The following NCAM2 variants were observed in gnomAD, a reference collection of about 807,000 sequenced individuals.
NCAM2 encodes N-CAM-2.
In NCAM2, 30 loss-of-function variants were observed where a neutral mutation model predicts 98.1. The ratio of observed to expected loss-of-function variants is 0.31; its 90% confidence interval spans 0.23 to 0.41. The LOEUF is 0.41. Among genes scored for constraint, NCAM2 ranks in the 10% least tolerant of loss-of-function variants. The probability of loss-of-function intolerance (pLI) is 1.00; values close to 1 mark genes in which losing one functional copy is unlikely to be tolerated. For missense variants in NCAM2, 867 were observed against 1,005.8 expected, an observed-to-expected ratio of 0.86 and a Z score of 1.87; for synonymous variants, 368 against 342.4, an observed-to-expected ratio of 1.07 and a Z score of -0.83.
chr21:21,476,086 C>T (rs182043310), intron 14 of NCAM2, among the ~76,000 whole-genome samples: 1 of 152,114 alleles, frequency 6.6e-6, no homozygotes, highest in East Asian at 1.9e-4. Context: ...GAGAATACAT[C>T]GTTATTCTTT....
At chr21:21,446,135 T>C (rs1434365814) in intron 12 of NCAM2, among the ~76,000 whole-genome samples, 1 of 152,184 alleles carries the variant, frequency 6.6e-6, no homozygotes, top group Non-Finnish European at 1.5e-5. Flanking sequence ...AAAATGCTTT[T>C]CTTTAAGAAT....
chr21:21,317,263 A>G (rs1212316357), intron 5 of NCAM2, among the ~76,000 whole-genome samples: 1 of 152,144 alleles, frequency 6.6e-6, no homozygotes, highest in South Asian at 2.1e-4. Flanking sequence ...GCTATCAGGA[A>G]CTTCCAATGT....
At chr21:21,137,853 C>G (rs535702129) in intron 1 of NCAM2, among the ~76,000 whole-genome samples, 51 of 119,896 alleles carry the variant, frequency 4.3e-4, no homozygotes, top group African/African-American at 1.6e-3. Context: ...TTTTTTTTTT[C>G]TGTGTTGTGA....
chr21:21,387,518 CA>C (rs544931484), intron 9 of NCAM2, among the ~76,000 whole-genome samples: 3 of 147,972 alleles, frequency 2.0e-5, no homozygotes, highest in Non-Finnish European at 4.5e-5. Context: ...ATATTCAAGA[CA>C]AAAAAAAAAC....
intron 1 of NCAM2, among the ~76,000 whole-genome samples, chr21:21,158,183 T>C (rs939162607): frequency 1.3e-5 from 2 of 152,204 alleles, no homozygotes; most frequent in African/African-American, 4.8e-5. Context: ...GAATATAGTG[T>C]GTACTGAATG....
At chr21:21,064,162 G>A (rs1271717755) in intron 1 of NCAM2, among the ~76,000 whole-genome samples, 1 of 152,170 alleles carries the variant, frequency 6.6e-6, no homozygotes, top group Non-Finnish European at 1.5e-5. Context: ...ATTGAATGTG[G>A]AGGCTTTGAG....
chr21:21,159,743 G>A (rs2067724278), intron 1 of NCAM2, among the ~76,000 whole-genome samples: 1 of 151,848 alleles, frequency 6.6e-6, no homozygotes, highest in Admixed American at 6.6e-5. Flanking sequence ...AGCAACACAT[G>A]ATACTCTCTC....
chr21:21,094,155 A>G (rs930303163), intron 1 of NCAM2, among the ~76,000 whole-genome samples: 15 of 151,978 alleles, frequency 9.9e-5, no homozygotes, highest in Non-Finnish European at 1.8e-4. Context: ...GTTGAATACC[A>G]GGCTGTACAT....
At chr21:21,020,277 C>A (rs1479606408) in intron 1 of NCAM2, among the ~76,000 whole-genome samples, 1 of 152,140 alleles carries the variant, frequency 6.6e-6, no homozygotes, top group Non-Finnish European at 1.5e-5. Flanking sequence ...CTCAGGTAAT[C>A]CGCCCGCCTC....
intron 5 of NCAM2, among the ~76,000 whole-genome samples, chr21:21,295,108 A>G (rs528952518): frequency 6.6e-6 from 1 of 151,764 alleles, no homozygotes; most frequent in South Asian, 2.1e-4. Context: ...CCGAAGTCCT[A>G]CCCAAATGCC....
chr21:21,246,403 A>G (rs1052468989), intron 1 of NCAM2, among the ~76,000 whole-genome samples: 36 of 152,194 alleles, frequency 2.4e-4, no homozygotes, highest in African/African-American at 8.7e-4. Flanking sequence ...AATAGATAAT[A>G]TAGTGGATGA....
chr21:21,307,913 A>G (rs1197194123), intron 5 of NCAM2, among the ~76,000 whole-genome samples: 2 of 152,092 alleles, frequency 1.3e-5, no homozygotes, highest in Non-Finnish European at 2.9e-5. Flanking sequence ...ATTCATGATA[A>G]TTTCCTCACT....
At chr21:21,126,475 C>T (rs1056203692) in intron 1 of NCAM2, among the ~76,000 whole-genome samples, 2 of 151,764 alleles carry the variant, frequency 1.3e-5, no homozygotes, top group African/African-American at 4.8e-5. Context: ...GTTTATATTC[C>T]TGTCACTGTA....
rs185152520 is a variant in NCAM2 at position 21,402,548 on chromosome 21, C to T, written c.1196-7726C>T. Among the ~76,000 whole-genome samples, 5 of 152,236 alleles carry T rather than the reference C, an allele frequency of 3.3e-5. No homozygotes were observed. In the East Asian group the frequency reaches 9.7e-4, roughly 29 times the overall value. On this transcript the variant is annotated intron_variant, in intron 9 of 17. Transcript: ENST00000400546. The stretch of plus-strand genomic sequence containing the variant: ...CCCTTATCAGGAGTTTCTGATTTTG[C>T]CCTGGTCCTGTTTCCTCAAAAGCAT...
At chr21:21,188,557 A>T (rs1025029332) in intron 1 of NCAM2, among the ~76,000 whole-genome samples, 1 of 152,296 alleles carries the variant, frequency 6.6e-6, no homozygotes, top group East Asian at 1.9e-4. Flanking sequence ...ATAATGCAGG[A>T]TATAATTCTA....
chr21:21,266,709 C>G (rs897040447), intron 1 of NCAM2, among the ~76,000 whole-genome samples: 1 of 148,552 alleles, frequency 6.7e-6, no homozygotes, highest in African/African-American at 2.5e-5. Flanking sequence ...CATCACACAC[C>G]GGGGCCTGTT....
chr21:21,355,520 A>G (rs1014527237), intron 8 of NCAM2, among the ~76,000 whole-genome samples: 5 of 83,088 alleles, frequency 6.0e-5, no homozygotes, highest in East Asian at 1.1e-3. Context: ...GGAGGGAGAG[A>G]GGGAGGAGGG....
At chr21:21,079,683 C>G (rs1601304419) in intron 1 of NCAM2, among the ~76,000 whole-genome samples, 1 of 152,072 alleles carries the variant, frequency 6.6e-6, no homozygotes, top group South Asian at 2.1e-4. Flanking sequence ...TGCCCCCTAC[C>G]CAGATACTCT....
chr21:21,151,534 T>C (rs141293829), intron 1 of NCAM2, among the ~76,000 whole-genome samples: 1 of 152,166 alleles, frequency 6.6e-6, no homozygotes, highest in Non-Finnish European at 1.5e-5. Context: ...CTACCTATAA[T>C]TGTTGATTGA....
Sources: allele counts gnomAD v4.1 joint callset (sites outside exome capture counted in the v4.1 genomes callset), GRCh38; gene constraint gnomAD v4.1.1; transcripts MANE v1.5; gene names NCBI Gene and HGNC (gene_info 2026-07-23, HGNC 2026-07-21).